The following KCNMA1 variants were observed in gnomAD, a reference collection of about 807,000 sequenced individuals.
The protein encoded by KCNMA1 is potassium calcium-activated channel subfamily M alpha 1.
In KCNMA1, 29 loss-of-function variants were observed where a neutral mutation model predicts 140.0. The observed-to-expected ratio is 0.21, with a 90% CI of 0.15 to 0.28. The LOEUF (loss-of-function observed/expected upper bound fraction) is 0.28. KCNMA1 is among the 10% of genes least tolerant of loss of function. The pLI is 1.00. For synonymous variants in KCNMA1, 612 were observed against 611.9 expected (o/e 1.00, Z 0.00); for missense variants, 880 against 1,602.2 (o/e 0.55, Z 7.70).
In KCNMA1 at chr10:77,062,138, A is replaced by T. The variant is rs186952124; in HGVS notation, c.1749+10959T>A. Among the ~76,000 whole-genome samples, 619 of 152,278 alleles carry T rather than the reference A, an allele frequency of 4.1e-3. 1 individual carries two copies. Among genetic ancestry groups the T allele is most frequent in the Non-Finnish European group, 7.1e-3 (482 of 68,020 alleles). On this transcript the variant is annotated intron_variant, in intron 14 of 27. Coordinates refer to ENST00000286628, the MANE Select transcript of KCNMA1 (RefSeq NM_001161352.2). ...GTATGTTAATTTAAAAAATAAAATG[A>T]AAAACACTTCTGGAAAACTATAATC...
intron 1 of KCNMA1, among the ~76,000 whole-genome samples, chr10:77,465,637 C>A (rs892657193): frequency 4.8e-4 from 73 of 152,210 alleles, no homozygotes; most frequent in African/African-American, 1.7e-3. Context: ...ATATACAAAG[C>A]ACCCTATCGG....
Position 77,637,448 on chromosome 10 carries a change from C to T in KCNMA1, c.195G>A (p.Lys65=). Residue 65 remains lysine, a synonymous_variant, in exon 1 of 28, where the codon AAG becomes AAA. Transcript: ENST00000286628. ...SSSSSSVHEP[K]MDALIIPVTM... ...TCACCGGGATGATGAGCGCATCCAT[C>T]TTGGGCTCGTGGACCGAGGACGAGG... The T allele has an allele frequency of 6.2e-7, 1 of 1,613,284 alleles. No individual in the cohort carries two copies. Among genetic ancestry groups the T allele is most frequent in the Non-Finnish European group, 8.5e-7 (1 of 1,179,688 alleles).
intron 1 of KCNMA1, among the ~76,000 whole-genome samples, chr10:77,428,535 T>C (rs894733136): frequency 3.3e-5 from 5 of 152,246 alleles, no homozygotes; most frequent in African/African-American, 1.2e-4. Flanking sequence ...AAGGAGTGTG[T>C]TTTGCAGGCT....
intron 4 of KCNMA1, 34 bp downstream of exon 4, chr10:77,184,789 C>T (rs1415295176): frequency 7.8e-7 from 1 of 1,280,210 alleles, no homozygotes; most frequent in Admixed American, 1.7e-5. Context: ...TGAAACACCC[C>T]ATTGTGATAC....
chr10:77,293,823 C>T (rs2074110079), intron 2 of KCNMA1, among the ~76,000 whole-genome samples: 1 of 152,224 alleles, frequency 6.6e-6, no homozygotes, highest in South Asian at 2.1e-4. Context: ...GCATTCTTTC[C>T]CAAAATGCGA....
chr10:77,190,157 C>A (rs1174429073), intron 3 of KCNMA1, among the ~76,000 whole-genome samples: 1 of 152,280 alleles, frequency 6.6e-6, no homozygotes, highest in African/African-American at 2.4e-5. Flanking sequence ...CTTGATTCAG[C>A]AAACTACTTG....
intron 2 of KCNMA1, among the ~76,000 whole-genome samples, chr10:77,259,522 A>G (rs929825557): frequency 2.0e-5 from 3 of 152,116 alleles, no homozygotes; most frequent in African/African-American, 7.2e-5. Context: ...GACAGAGTCC[A>G]CAAGGCCCTG....
At chr10:77,391,945 C>CA (rs148676090) in intron 2 of KCNMA1, among the ~76,000 whole-genome samples, 9,913 of 151,196 alleles carry the variant, frequency 0.066, 415 homozygotes, top group East Asian at 0.18. Context: ...ATTTTTCTGA[C>CA]AAAAACGGAG....
chr10:77,289,637 C>T (rs2072443370), intron 2 of KCNMA1, among the ~76,000 whole-genome samples: 1 of 152,192 alleles, frequency 6.6e-6, no homozygotes, highest in Non-Finnish European at 1.5e-5. Flanking sequence ...GAGTACTTCA[C>T]AAGTGCCTGG....
chr10:77,204,707 T>C (rs1392461709), intron 3 of KCNMA1, among the ~76,000 whole-genome samples: 6 of 152,186 alleles, frequency 3.9e-5, no homozygotes, highest in Non-Finnish European at 8.8e-5. Context: ...CCTAGAATCA[T>C]GTAGACTCTG....
chr10:76,878,154 G>A (rs2032907763), intron 29 of KCNMA1, among the ~76,000 whole-genome samples: 1 of 152,128 alleles, frequency 6.6e-6, no homozygotes, highest in South Asian at 2.1e-4. Flanking sequence ...GGCTAAGGAG[G>A]GATTGGAGAA....
chr10:77,631,943 A>T (rs1193560599), intron 1 of KCNMA1, among the ~76,000 whole-genome samples: 1 of 152,194 alleles, frequency 6.6e-6, no homozygotes, highest in Non-Finnish European at 1.5e-5. Flanking sequence ...GGGTTGGTGA[A>T]AAAAACCACC....
At chr10:77,416,131 AAT>A (rs2096736527) in intron 1 of KCNMA1, among the ~76,000 whole-genome samples, 1 of 152,138 alleles carries the variant, frequency 6.6e-6, no homozygotes, top group Non-Finnish European at 1.5e-5. Flanking sequence ...TTAAGGCCCC[AAT>A]ATTCCACACT....
At chr10:77,182,410 T>A (rs2098810153) in intron 5 of KCNMA1, among the ~76,000 whole-genome samples, 1 of 152,170 alleles carries the variant, frequency 6.6e-6, no homozygotes, top group Admixed American at 6.5e-5. Flanking sequence ...CAAATTGTGG[T>A]GCAATGTAAT....
intron 15 of KCNMA1, among the ~76,000 whole-genome samples, chr10:77,033,470 AC>A (rs1469705884): frequency 6.6e-6 from 1 of 151,886 alleles, no homozygotes; most frequent in Non-Finnish European, 1.5e-5. Context: ...AAACACACTC[AC>A]ACACACACAA....
intron 1 of KCNMA1, among the ~76,000 whole-genome samples, chr10:77,567,182 C>T (rs771573392): frequency 6.6e-6 from 1 of 152,208 alleles, no homozygotes; most frequent in African/African-American, 2.4e-5. Flanking sequence ...AGTTCAAGCT[C>T]AACGCAATGT....
chr10:77,628,939 C>T (rs775226245), intron 1 of KCNMA1, among the ~76,000 whole-genome samples: 6 of 152,246 alleles, frequency 3.9e-5, no homozygotes, highest in South Asian at 2.1e-4. Flanking sequence ...CCTGTGAATT[C>T]GCTTTGAAAT....
intron 19 of KCNMA1, chr10:76,977,770 C>T (rs1264090370): frequency 1.3e-5 from 8 of 619,444 alleles, no homozygotes; most frequent in East Asian, 5.5e-5. Flanking sequence ...GCTATTAGCC[C>T]TGCTGGTCCG....
intron 7 of KCNMA1, among the ~76,000 whole-genome samples, chr10:77,110,884 C>A (rs938151594): frequency 6.6e-6 from 1 of 152,174 alleles, no homozygotes; most frequent in Non-Finnish European, 1.5e-5. Context: ...TGGAATCTGG[C>A]CCTGCTCTCC....
Sources: gnomAD v4.1 joint callset for allele counts (sites outside exome capture counted in the v4.1 genomes callset) on GRCh38, gnomAD v4.1.1 for gene constraint, MANE v1.5 for transcripts, NCBI Gene and HGNC (gene_info 2026-07-23, HGNC 2026-07-21) for gene names.